The following GRAMD2B variants were observed in gnomAD, a reference collection of about 807,000 sequenced individuals.
GRAMD2B encodes GRAM domain-containing protein 2B.
A neutral mutation model predicts 59.2 loss-of-function variants in GRAMD2B; 41 were observed. That is an observed-to-expected ratio of 0.69 (90% CI 0.54 to 0.90). The LOEUF is 0.90. GRAMD2B is among the 40% of genes least tolerant of loss of function. GRAMD2B has a pLI of 0.00. For missense variants in GRAMD2B, 424 were observed against 500.5 expected (o/e 0.85, Z 1.46); for synonymous variants, 161 against 182.7 (o/e 0.88, Z 0.96).
rs1760059474 is a variant in GRAMD2B at position 126,423,692 on chromosome 5, G to GAGTATTCTCAGCTGGGACCCATCCA, written c.83+6_83+30dup. On this transcript the variant is annotated splice_donor_region_variant and intron_variant, in intron 1 of 13. Coordinates refer to ENST00000285689, the MANE Select transcript of GRAMD2B (RefSeq NM_023927.4). Reference sequence around the variant, plus strand: ...GAGAGCAAACTTGGCTCAGCCCAGTGAGTATTCTCAGCTGGGACCCATCCA... The same window carrying GAGTATTCTCAGCTGGGACCCATCCA: ...GAGAGCAAACTTGGCTCAGCCCAGTGAGTATTCTCAGCTGGGACCCATCCAAGTATTCTCAGCTGGGACCCATCCA... 6.2e-7 allele frequency: 1 copy of GAGTATTCTCAGCTGGGACCCATCCA among 1,604,352 alleles called. No individual in the cohort carries two copies. The highest frequency in any genetic ancestry group is 1.3e-5 in the African/African-American group (1 of 74,132).
chr5:126,480,585 T>G (rs1771526390), intron 7 of GRAMD2B, 42 bp from the exon 8 acceptor site: 6 of 1,608,374 alleles, frequency 3.7e-6, no homozygotes, highest in South Asian at 2.2e-5. Context: ...TCTTATGGTT[T>G]CATAGTTAAT....
chr5:126,434,990 C>A (rs188742380), intron 1 of GRAMD2B, among the ~76,000 whole-genome samples: 1 of 152,298 alleles, frequency 6.6e-6, no homozygotes, highest in Admixed American at 6.5e-5. Context: ...AGCAGTGTTA[C>A]ACAACCATTT....
At chr5:126,405,688 CTT>C (rs750300790) in intron 1 of GRAMD2B, among the ~76,000 whole-genome samples, 3 of 145,014 alleles carry the variant, frequency 2.1e-5, no homozygotes, top group Admixed American at 6.9e-5. Context: ...TGAGGATATC[CTT>C]TTTTTTTTTT....
At chr5:126,410,880 T>C (rs1758721915) in intron 1 of GRAMD2B, among the ~76,000 whole-genome samples, 1 of 152,094 alleles carries the variant, frequency 6.6e-6, no homozygotes, top group Admixed American at 6.6e-5. Flanking sequence ...GGAACGTTTT[T>C]CATGTTTGTT....
intron 1 of GRAMD2B, among the ~76,000 whole-genome samples, chr5:126,395,392 A>G (rs983925433): frequency 4.6e-5 from 7 of 152,134 alleles, no homozygotes; most frequent in Admixed American, 1.3e-4. Flanking sequence ...GCTGGTTTGG[A>G]ATTATGCTGT....
At chr5:126,488,684 G>A (rs1002916064) in intron 12 of GRAMD2B, 115 bp from the exon 13 acceptor site, 9 of 664,950 alleles carry the variant, frequency 1.4e-5, no homozygotes, top group Non-Finnish European at 2.1e-5. Flanking sequence ...CAAATGAAAT[G>A]TTCATTCTCT....
chr5:126,451,954 T>TC (rs1198609405), intron 1 of GRAMD2B, among the ~76,000 whole-genome samples: 1 of 151,890 alleles, frequency 6.6e-6, no homozygotes, highest in African/African-American at 2.4e-5. Flanking sequence ...ATGTGCCTGC[T>TC]CCCCCTTCGC....
chr5:126,485,820 C>A, intron 11 of GRAMD2B, 47 bp downstream of exon 11: 3 of 1,149,486 alleles, frequency 2.6e-6, no homozygotes, highest in Non-Finnish European at 2.6e-6. Flanking sequence ...TGATTCCATT[C>A]GCTAAAGGAA....
chr5:126,429,216 A>G (rs1405706413), intron 1 of GRAMD2B, among the ~76,000 whole-genome samples: 2 of 152,208 alleles, frequency 1.3e-5, no homozygotes, highest in Non-Finnish European at 2.9e-5. Flanking sequence ...CATAAAAACG[A>G]GATCACATCC....
intron 1 of GRAMD2B, among the ~76,000 whole-genome samples, chr5:126,441,450 C>T (rs1291789380): frequency 1.3e-5 from 2 of 152,184 alleles, no homozygotes; most frequent in African/African-American, 4.8e-5. Context: ...ACTCAGGGCC[C>T]CCGTCCTCTA....
chr5:126,480,912 TGCAAA>T, intron 8 of GRAMD2B: 1 of 585,680 alleles, frequency 1.7e-6, no homozygotes. Context: ...AGAGTTGTCC[TGCAAA>T]AAGAAAGAAA....
intron 1 of GRAMD2B, among the ~76,000 whole-genome samples, chr5:126,461,267 T>C (rs1344126263): frequency 5.3e-5 from 8 of 152,222 alleles, no homozygotes; most frequent in African/African-American, 1.7e-4. Context: ...GTATTGAGTT[T>C]AGCTGAAACT....
At chr5:126,375,239 C>G (rs1755073896) in intron 1 of GRAMD2B, among the ~76,000 whole-genome samples, 1 of 152,072 alleles carries the variant, frequency 6.6e-6, no homozygotes, top group African/African-American at 2.4e-5. Flanking sequence ...CTAAATTGAT[C>G]TTATGTTCAA....
chr5:126,485,695 A>G lies in GRAMD2B; in HGVS notation c.980A>G (p.Glu327Gly), dbSNP rs1288416588. 6.2e-7 allele frequency: 1 copy of G among 1,609,838 alleles called. No homozygotes were observed. ...AKSLPVQGLS[E>G]TVGILHKVKS... ...GTTTTCCTCCCAACAGGTCTGTCAG[A>G]AACTGTTGGAATCTTACATAAAGTC... The change falls in exon 11 of 14, where the codon GAA (glutamate) becomes GGA (glycine). Residue 327 changes from glutamate to glycine, a missense_variant. Coordinates refer to ENST00000285689, the MANE Select transcript of GRAMD2B (RefSeq NM_023927.4).
At chr5:126,408,935 C>A (rs1227062301) in intron 1 of GRAMD2B, among the ~76,000 whole-genome samples, 4 of 147,384 alleles carry the variant, frequency 2.7e-5, no homozygotes, top group Non-Finnish European at 4.5e-5. Context: ...TGAGAATATG[C>A]GGTGTTTGGC....
In GRAMD2B at chr5:126,438,778, C is replaced by G. The variant is rs577199903; in HGVS notation, c.83+15089C>G. On this transcript the variant is annotated intron_variant, in intron 1 of 13. Coordinates refer to ENST00000285689, the MANE Select transcript of GRAMD2B (RefSeq NM_023927.4). ...TGAGTGGGCATGGCAGAACGATTAG[C>G]ATGATTGGAAATTGGGAGTGAACAA... Among the ~76,000 whole-genome samples, 3 of 152,190 alleles carry G rather than the reference C, an allele frequency of 2.0e-5. No individual in the cohort carries two copies. The South Asian group carries it at 6.2e-4, about 32-fold the overall frequency.
At chr5:126,492,494 G>A (rs1774128022) in intron 13 of GRAMD2B, among the ~76,000 whole-genome samples, 1 of 152,010 alleles carries the variant, frequency 6.6e-6, no homozygotes, top group South Asian at 2.1e-4. Flanking sequence ...GCTGAGACAG[G>A]AGGATCACTT....
At chr5:126,453,499 C>T (rs1765734812) in intron 1 of GRAMD2B, among the ~76,000 whole-genome samples, 1 of 152,162 alleles carries the variant, frequency 6.6e-6, no homozygotes, top group Admixed American at 6.5e-5. Flanking sequence ...AGCATTCATG[C>T]ACTGAGGCTG....
At chr5:126,454,788 C>T (rs886374541) in intron 1 of GRAMD2B, among the ~76,000 whole-genome samples, 1 of 152,184 alleles carries the variant, frequency 6.6e-6, no homozygotes, top group Non-Finnish European at 1.5e-5. Context: ...ATTTTTGCTA[C>T]AGCAGTGTGC....
Sources: allele counts gnomAD v4.1 joint callset (sites outside exome capture counted in the v4.1 genomes callset), GRCh38; gene constraint gnomAD v4.1.1; transcripts MANE v1.5; gene names NCBI Gene and HGNC (gene_info 2026-07-23, HGNC 2026-07-21).